Variants in SLC2A9 observed in about 807,000 individuals in gnomAD.
SLC2A9 encodes the protein solute carrier family 2 member 9.
Under a neutral mutation model 50.6 loss-of-function variants are expected in SLC2A9, and 39 were observed. The observed-to-expected ratio is 0.77, with a 90% CI of 0.60 to 1.01. The LOEUF (loss-of-function observed/expected upper bound fraction) is 1.01. SLC2A9 is among the 50% of genes least tolerant of loss of function. The probability of loss-of-function intolerance (pLI) is 0.00; values close to 1 mark genes in which losing one functional copy is unlikely to be tolerated. For missense variants in SLC2A9, 686 were observed against 677.6 expected, an observed-to-expected ratio of 1.01 and a Z score of -0.14; for synonymous variants, 324 against 276.9, an observed-to-expected ratio of 1.17 and a Z score of -1.69.
chr4:9,939,499 T>C (rs1215546853), intron 6 of SLC2A9, among the ~76,000 whole-genome samples: 1 of 152,210 alleles, frequency 6.6e-6, no homozygotes, highest in African/African-American at 2.4e-5. Context: ...GCATTTTGTT[T>C]ACATTCATAA....
chr4:9,921,543 C>T (rs1470513940), intron 6 of SLC2A9, among the ~76,000 whole-genome samples: 3 of 152,228 alleles, frequency 2.0e-5, no homozygotes, highest in Non-Finnish European at 4.4e-5. Flanking sequence ...CATGGCTCCG[C>T]CCCTCAGGGC....
chr4:9,876,171 T>C (rs1385811449), intron 10 of SLC2A9, among the ~76,000 whole-genome samples: 1 of 152,206 alleles, frequency 6.6e-6, no homozygotes, highest in African/African-American at 2.4e-5. Flanking sequence ...TCTTCTGTTA[T>C]GGAGAAATTT....
intron 5 of SLC2A9, among the ~76,000 whole-genome samples, chr4:9,977,582 G>T (rs1755018028): frequency 8.2e-6 from 1 of 122,350 alleles, no homozygotes. Flanking sequence ...TGACACCTGA[G>T]TTTTTCTGCC....
intron 5 of SLC2A9, among the ~76,000 whole-genome samples, chr4:9,958,146 T>C (rs1474167093): frequency 6.6e-6 from 1 of 152,252 alleles, no homozygotes; most frequent in African/African-American, 2.4e-5. Flanking sequence ...AGGAAAATTA[T>C]ATTCATACAA....
At chr4:9,866,760 G>A (rs1195895405) in intron 10 of SLC2A9, among the ~76,000 whole-genome samples, 17 of 152,100 alleles carry the variant, frequency 1.1e-4, no homozygotes, top group Non-Finnish European at 2.2e-4. Context: ...CATCTAACTC[G>A]CTTCATGTAT....
chr4:10,014,335 G>A (rs887140757), intron 2 of SLC2A9, among the ~76,000 whole-genome samples: 1 of 152,210 alleles, frequency 6.6e-6, no homozygotes, highest in African/African-American at 2.4e-5. Flanking sequence ...GCACCTACAT[G>A]GTGCCTGGGA....
intron 2 of SLC2A9, among the ~76,000 whole-genome samples, chr4:10,001,965 C>T (rs968407330): frequency 6.6e-6 from 1 of 152,226 alleles, no homozygotes; most frequent in Non-Finnish European, 1.5e-5. Flanking sequence ...GTGACCAAGG[C>T]TCAGCCAATC....
intron 1 of SLC2A9, among the ~76,000 whole-genome samples, chr4:10,027,520 G>C (rs989750370): frequency 6.6e-6 from 1 of 151,854 alleles, no homozygotes; most frequent in Non-Finnish European, 1.5e-5. Flanking sequence ...GCCACATCTT[G>C]CCAGAACCAA....
chr4:9,827,544 T>C (rs1443135015), intron 11 of SLC2A9, among the ~76,000 whole-genome samples: 1 of 152,242 alleles, frequency 6.6e-6, no homozygotes, highest in Admixed American at 6.5e-5. Flanking sequence ...CAAACATTTA[T>C]TTTTGGAGAA....
In SLC2A9 at chr4:9,947,799, A is replaced by T. The variant is rs1002177367; in HGVS notation, c.682-5754T>A. ...CTGTAGCCCAGAGCCTGGCAACATGATCTCAAGCCTGCCTCCCCTGCTCAC... is the reference window on the plus strand; with the variant it reads ...CTGTAGCCCAGAGCCTGGCAACATGTTCTCAAGCCTGCCTCCCCTGCTCAC... On this transcript the variant is annotated intron_variant, in intron 5 of 11. Coordinates refer to ENST00000264784, the MANE Select transcript of SLC2A9 (RefSeq NM_020041.3). 3.3e-5 allele frequency among the ~76,000 whole-genome samples: 5 copies of T among 151,982 alleles called. No homozygotes were observed. The South Asian group carries it at 1.0e-3, about 32-fold the overall frequency.
At chr4:9,781,917 C>A in intron 3 of SLC2A9, 1 of 966,308 alleles carries the variant, frequency 1.0e-6, no homozygotes, top group East Asian at 2.9e-5. Context: ...CTCTGGGGCT[C>A]GAGGGTCCCT....
rs745901421 is a variant in SLC2A9, at chr4:9,782,583, C to A, written n.386-2518G>T. 7 of 1,613,940 alleles carry A rather than the reference C, an allele frequency of 4.3e-6. No individual in the cohort carries two copies. The South Asian group carries it at 5.5e-5, about 13-fold the overall frequency. ...CAGCTCAACTGGCACAGGGACCAGG[C>A]GGCCTCTTGGGGCGGGCTGGACCTG... On this transcript the variant is annotated intron_variant and non_coding_transcript_variant, in intron 3 of 3. Transcript: ENST00000503803.
intron 1 of SLC2A9, among the ~76,000 whole-genome samples, chr4:9,771,891 A>G (rs1000805083): frequency 1.3e-5 from 2 of 152,248 alleles, no homozygotes; most frequent in African/African-American, 4.8e-5. Flanking sequence ...AGGGCCTGAA[A>G]GAACTAGGCT....
intron 1 of SLC2A9, among the ~76,000 whole-genome samples, chr4:10,031,791 T>C (rs541546070): frequency 8.5e-4 from 130 of 152,340 alleles, no homozygotes; most frequent in African/African-American, 3.1e-3. Context: ...TCCCATGTCC[T>C]GAGACTGACC....
intron 11 of SLC2A9, among the ~76,000 whole-genome samples, chr4:9,832,001 G>A (rs978535591): frequency 4.1e-4 from 63 of 152,184 alleles, no homozygotes; most frequent in African/African-American, 1.3e-3. Flanking sequence ...GAAATCAACC[G>A]TGCTAAGCCC....
intron 1 of SLC2A9, among the ~76,000 whole-genome samples, chr4:10,038,411 G>A (rs1764174434): frequency 1.3e-5 from 2 of 148,458 alleles, no homozygotes; most frequent in African/African-American, 5.0e-5. Flanking sequence ...CGAGGCTGAG[G>A]CAGGAGAATC....
chr4:9,901,504 C>T (rs1279674457), intron 8 of SLC2A9, among the ~76,000 whole-genome samples: 1 of 152,178 alleles, frequency 6.6e-6, no homozygotes, highest in Non-Finnish European at 1.5e-5. Context: ...TCTATTTTGT[C>T]TACAGCAGTC....
chr4:9,933,247 T>C (rs978479875), intron 6 of SLC2A9, among the ~76,000 whole-genome samples: 4 of 152,226 alleles, frequency 2.6e-5, no homozygotes, highest in African/African-American at 7.2e-5. Context: ...GAGCTTCTTT[T>C]AGGCTTCAGA....
At chr4:9,857,200 A>G (rs942990062) in intron 10 of SLC2A9, among the ~76,000 whole-genome samples, 10 of 152,184 alleles carry the variant, frequency 6.6e-5, no homozygotes, top group African/African-American at 2.4e-4. Flanking sequence ...CATAGCTCAG[A>G]ACCTGGGTTC....
Sources: allele counts gnomAD v4.1 joint callset (sites outside exome capture counted in the v4.1 genomes callset), GRCh38; gene constraint gnomAD v4.1.1; transcripts MANE v1.5; gene names NCBI Gene and HGNC (gene_info 2026-07-23, HGNC 2026-07-21).